CALN1: variants seen among roughly 807,000 people sequenced by gnomAD.
The protein encoded by CALN1 is calcium-binding protein 8.
A neutral mutation model predicts 30.6 loss-of-function variants in CALN1; 17 were observed. The ratio of observed to expected loss-of-function variants is 0.56; its 90% CI spans 0.38 to 0.83. CALN1 has a LOEUF of 0.83. CALN1 is among the 40% of genes least tolerant of loss of function. The pLI is 0.00. For synonymous variants in CALN1, 156 were observed against 131.4 expected (o/e 1.19, Z -1.28); for missense variants, 291 against 354.9 (o/e 0.82, Z 1.45).
intron 5 of CALN1, among the ~76,000 whole-genome samples, chr7:71,878,753 C>A (rs1360154362): frequency 4.6e-5 from 7 of 152,178 alleles, no homozygotes; most frequent in African/African-American, 1.7e-4. Context: ...AGCTGGGACA[C>A]TACATCATCA....
At chr7:72,158,120 G>A (rs766744418) in intron 3 of CALN1, among the ~76,000 whole-genome samples, 1 of 152,150 alleles carries the variant, frequency 6.6e-6, no homozygotes, top group Non-Finnish European at 1.5e-5. Flanking sequence ...GACATATTTA[G>A]TAAGTACCTT....
Position 72,034,169 on chromosome 7 carries a change from C to T in CALN1, c.389-10400G>A, listed in dbSNP as rs996964130. Among the ~76,000 whole-genome samples, 20 of 151,604 alleles carry T rather than the reference C, an allele frequency of 1.3e-4. No individual in the cohort carries two copies. The South Asian group carries it at 2.1e-3, about 16-fold the overall frequency. ...GAGATTGAGACCATCCTGGCTAACA[C>T]GGTGGAACCCCGTCTCTACTAAAAA... On this transcript the variant is annotated intron_variant, in intron 4 of 6. Coordinates refer to ENST00000395275, the MANE Select transcript of CALN1 (RefSeq NM_031468.4).
chr7:72,498,732 A>T, the CALN1 span, among the ~76,000 whole-genome samples: 1 of 152,296 alleles, frequency 6.6e-6, no homozygotes, highest in Admixed American at 6.5e-5. Flanking sequence ...GAATACTACA[A>T]GTTATTAATT....
chr7:72,407,845 CCA>C (rs1329288985), intron 1 of CALN1, among the ~76,000 whole-genome samples: 12 of 152,218 alleles, frequency 7.9e-5, no homozygotes, highest in African/African-American at 2.9e-4. Context: ...AATGAATCCA[CCA>C]CAGATGTAGC....
intron 3 of CALN1, among the ~76,000 whole-genome samples, chr7:72,142,547 G>A (rs1345212204): frequency 6.6e-6 from 1 of 152,182 alleles, no homozygotes; most frequent in East Asian, 1.9e-4. Context: ...CCACCTCTGG[G>A]GGCAGGGCAT....
chr7:72,050,917 A>G (rs566204366), intron 4 of CALN1, among the ~76,000 whole-genome samples: 85 of 152,010 alleles, frequency 5.6e-4, no homozygotes, highest in African/African-American at 1.8e-3. Flanking sequence ...GCATGAACCC[A>G]GGAGGTGGAG....
intron 3 of CALN1, among the ~76,000 whole-genome samples, chr7:72,106,754 GAGGGAGGAAGGA>G (rs1432564596): frequency 5.3e-5 from 3 of 56,236 alleles, no homozygotes; most frequent in Non-Finnish European, 1.1e-4. Context: ...GGAAGGAAGG[GAGGGAGGAAGGA>G]AGGGAGGGAG....
chr7:71,814,291 G>C (rs1434105118), intron 5 of CALN1, among the ~76,000 whole-genome samples: 2 of 152,170 alleles, frequency 1.3e-5, no homozygotes, highest in African/African-American at 2.4e-5. Context: ...TGTCAAGTGT[G>C]TGTTTGTGTC....
At chr7:71,788,920 A>T (rs1006379931) in intron 6 of CALN1, among the ~76,000 whole-genome samples, 1 of 152,002 alleles carries the variant, frequency 6.6e-6, no homozygotes, top group African/African-American at 2.4e-5. Context: ...GGCCTCCCAA[A>T]GTGCTGGGAT....
intron 5 of CALN1, among the ~76,000 whole-genome samples, chr7:71,915,090 C>T (rs1310278760): frequency 6.6e-6 from 1 of 152,190 alleles, no homozygotes; most frequent in African/African-American, 2.4e-5. Context: ...GGATTAGTCT[C>T]TCCACTGCCC....
chr7:71,930,381 T>C (rs1795487359), intron 5 of CALN1, among the ~76,000 whole-genome samples: 1 of 152,184 alleles, frequency 6.6e-6, no homozygotes, highest in Non-Finnish European at 1.5e-5. Context: ...TTAGGAAAAC[T>C]GTATTTTTTA....
intron 2 of CALN1, among the ~76,000 whole-genome samples, chr7:72,347,160 G>T (rs887156469): frequency 6.6e-6 from 1 of 151,828 alleles, no homozygotes; most frequent in Non-Finnish European, 1.5e-5. Flanking sequence ...TATAAACTCC[G>T]AATAGGATAC....
At chr7:72,210,869 G>C (rs1338781317) in intron 3 of CALN1, among the ~76,000 whole-genome samples, 1 of 151,696 alleles carries the variant, frequency 6.6e-6, no homozygotes, top group Non-Finnish European at 1.5e-5. Flanking sequence ...TGGGAAAGAT[G>C]ATGAGCCCCG....
At chr7:72,006,921 C>T (rs1289723021) in intron 5 of CALN1, among the ~76,000 whole-genome samples, 1 of 152,166 alleles carries the variant, frequency 6.6e-6, no homozygotes, top group African/African-American at 2.4e-5. Context: ...CACTCCTTCA[C>T]ACAGCAACCA....
chr7:71,924,419 C>T (rs17426377), intron 5 of CALN1, among the ~76,000 whole-genome samples: 51,625 of 151,378 alleles, frequency 0.34, 9,689 homozygotes, highest in Non-Finnish European at 0.43. Context: ...TTAATATATA[C>T]AAAAGAATGT....
At chr7:71,846,272 T>C (rs949188385) in intron 5 of CALN1, among the ~76,000 whole-genome samples, 1 of 152,156 alleles carries the variant, frequency 6.6e-6, no homozygotes, top group African/African-American at 2.4e-5. Flanking sequence ...TTAAGTGATG[T>C]AATTGTTGCC....
At position 72,016,998 on chromosome 7, in the gene CALN1, C is replaced by CAAAAAAAAAAAAAAAAAAAA. The variant is rs754201004; in HGVS notation, c.501+6658_501+6659insTTTTTTTTTTTTTTTTTTTT. On this transcript the variant is annotated intron_variant, in intron 5 of 6. Transcript: ENST00000395275. ...CAAAACCCCGTGTTTACTAAAAATACAAAAAAAAAAAAAAAAAAAGCTGGG... is the reference window on the plus strand; with the variant it reads ...CAAAACCCCGTGTTTACTAAAAATACAAAAAAAAAAAAAAAAAAAAAAAAAAAAAAAAAAAAAAAGCTGGG... Among the ~76,000 whole-genome samples the CAAAAAAAAAAAAAAAAAAAA allele has an allele frequency of 2.2e-3, 69 of 31,954 alleles. 6 individuals are homozygous for CAAAAAAAAAAAAAAAAAAAA. Among genetic ancestry groups the CAAAAAAAAAAAAAAAAAAAA allele is most frequent in the African/African-American group, 3.3e-3 (22 of 6,616 alleles). The allele number at this position is 31,954 out of a possible 152,430, so 21.0% of individuals were successfully genotyped here.
intron 2 of CALN1, among the ~76,000 whole-genome samples, chr7:72,397,366 G>C (rs1039053350): frequency 6.6e-6 from 1 of 152,134 alleles, no homozygotes; most frequent in Non-Finnish European, 1.5e-5. Context: ...TGAGGCCACA[G>C]GAGTCAAAGT....
intron 2 of CALN1, among the ~76,000 whole-genome samples, chr7:72,288,278 T>C (rs566946329): frequency 9.2e-5 from 14 of 152,310 alleles, no homozygotes; most frequent in Non-Finnish European, 2.1e-4. Context: ...TGGAAAGAGA[T>C]GTTCATAAAA....
Sources: gnomAD v4.1 joint callset for allele counts (sites outside exome capture counted in the v4.1 genomes callset) on GRCh38, gnomAD v4.1.1 for gene constraint, MANE v1.5 for transcripts, NCBI Gene and HGNC (gene_info 2026-07-23, HGNC 2026-07-21) for gene names.